The following STXBP5L variants were observed in gnomAD, a reference collection of about 807,000 sequenced individuals.
The protein encoded by STXBP5L is syntaxin-binding protein 5-like.
Under a neutral mutation model 144.5 loss-of-function variants are expected in STXBP5L, and 65 were observed. The ratio of observed to expected loss-of-function variants is 0.45; its 90% CI spans 0.37 to 0.55. STXBP5L has a LOEUF of 0.55. Among genes scored for constraint, STXBP5L ranks in the 20% least tolerant of loss-of-function variants. The pLI, the probability that STXBP5L is intolerant of heterozygous loss-of-function variation, is 0.00. For synonymous variants in STXBP5L, 505 were observed against 469.6 expected (o/e 1.08, Z -0.97); for missense variants, 1,298 against 1,405.5 (o/e 0.92, Z 1.22).
chr3:121,348,282 C>A (rs1462883611), intron 20 of STXBP5L, among the ~76,000 whole-genome samples: 1 of 152,216 alleles, frequency 6.6e-6, no homozygotes, highest in South Asian at 2.1e-4. Flanking sequence ...TATGTTGAAC[C>A]AGCCTTGCGT....
At chr3:121,251,251 T>C (rs1246920810) in intron 15 of STXBP5L, among the ~76,000 whole-genome samples, 1 of 152,190 alleles carries the variant, frequency 6.6e-6, no homozygotes, top group East Asian at 1.9e-4. Flanking sequence ...CTCTGCTCAA[T>C]GTTGAAGGAA....
intron 3 of STXBP5L, among the ~76,000 whole-genome samples, chr3:121,010,236 T>C (rs913925891): frequency 2.0e-5 from 3 of 151,790 alleles, no homozygotes; most frequent in Non-Finnish European, 4.4e-5. Context: ...TAAATGACTA[T>C]ATATATCTTT....
chr3:121,076,316 C>T, intron 5 of STXBP5L, among the ~76,000 whole-genome samples: 1 of 152,174 alleles, frequency 6.6e-6, no homozygotes, highest in East Asian at 1.9e-4. Context: ...AGCCTCCTGT[C>T]TAAGCCTTGT....
In STXBP5L at chr3:121,422,870, A is replaced by G. The variant is rs1442385916; in HGVS notation, c.*3773A>G. 1 of 152,176 alleles carries G rather than the reference A, an allele frequency of 6.6e-6. No homozygotes were observed. The highest frequency in any genetic ancestry group is 1.5e-5 in the Non-Finnish European group (1 of 68,034). The allele number at this position is 152,176 out of a possible 1,614,324, so 9.4% of individuals were successfully genotyped here. A position where few individuals can be genotyped will look rare whatever the true frequency, so the allele number is the denominator to read the frequency against. On this transcript the variant is annotated 3_prime_UTR_variant, in exon 27 of 27. Coordinates refer to ENST00000471454, the MANE Select transcript of STXBP5L (RefSeq NM_001308330.2). The stretch of plus-strand genomic sequence containing the variant: ...TGACCCATGTACCAGTTTTAAAGGC[A>G]TCATCTATACTTTATCTACATGAAG...
chr3:121,123,151 A>G (rs1358058547), intron 7 of STXBP5L, among the ~76,000 whole-genome samples: 1 of 151,608 alleles, frequency 6.6e-6, no homozygotes, highest in Admixed American at 6.6e-5. Context: ...ACAATTTGTC[A>G]ACATCATACC....
intron 6 of STXBP5L, among the ~76,000 whole-genome samples, chr3:121,119,120 T>C (rs2044349670): frequency 6.6e-6 from 1 of 151,500 alleles, no homozygotes; most frequent in South Asian, 2.1e-4. Context: ...TGTTTGGCCA[T>C]CAGAGCATTT....
intron 9 of STXBP5L, among the ~76,000 whole-genome samples, chr3:121,191,547 G>A (rs561095340): frequency 7.6e-4 from 116 of 152,210 alleles, no homozygotes; most frequent in South Asian, 1.5e-3. Context: ...AGAGGGAGAG[G>A]GAGAGGGAGA....
At chr3:121,087,441 C>A (rs1489330119) in intron 5 of STXBP5L, among the ~76,000 whole-genome samples, 1 of 151,986 alleles carries the variant, frequency 6.6e-6, no homozygotes, top group Non-Finnish European at 1.5e-5. Flanking sequence ...CCCTCTCTAT[C>A]TCATAATTTC....
chr3:120,982,502 C>T (rs1941880853), intron 3 of STXBP5L, among the ~76,000 whole-genome samples: 1 of 152,174 alleles, frequency 6.6e-6, no homozygotes, highest in Non-Finnish European at 1.5e-5. Flanking sequence ...ATACCCCTGT[C>T]CCAGGGCTCA....
chr3:120,989,874 A>G (rs1359300088), intron 3 of STXBP5L, among the ~76,000 whole-genome samples: 3 of 152,218 alleles, frequency 2.0e-5, no homozygotes, highest in Admixed American at 6.5e-5. Flanking sequence ...AAAAACTTGA[A>G]GCATTCTCTT....
At chr3:121,187,227 A>G (rs1408547623) in intron 9 of STXBP5L, among the ~76,000 whole-genome samples, 1 of 152,204 alleles carries the variant, frequency 6.6e-6, no homozygotes. Context: ...AGCCATAAAA[A>G]ATGATGAGTT....
chr3:120,914,701 T>C (rs1709017633), intron 2 of STXBP5L, among the ~76,000 whole-genome samples: 1 of 152,022 alleles, frequency 6.6e-6, no homozygotes. Flanking sequence ...TTTTCATCCA[T>C]AAAAAGAATA....
chr3:121,360,122 T>G (rs1345919286), intron 20 of STXBP5L, among the ~76,000 whole-genome samples: 1 of 148,902 alleles, frequency 6.7e-6, no homozygotes, highest in Non-Finnish European at 1.5e-5. Context: ...TTATATCCTC[T>G]TGCTGAATTG....
In STXBP5L at chr3:121,299,251, G is replaced by T. The variant is rs147619801; in HGVS notation, c.2111-19224G>T. On this transcript the variant is annotated intron_variant, in intron 19 of 26. Coordinates refer to ENST00000471454, the MANE Select transcript of STXBP5L (RefSeq NM_001308330.2). The stretch of plus-strand genomic sequence containing the variant: ...AGCAACATGAAAAGCAAATGAGGAA[G>T]ATATTTTATAGAAATAATTAAGCTG... 4.6e-3 allele frequency among the ~76,000 whole-genome samples: 696 copies of T among 152,270 alleles called. 8 individuals carry two copies. Among genetic ancestry groups the T allele is most frequent in the African/African-American group, 0.016 (648 of 41,564 alleles).
chr3:121,051,225 C>T (rs1407174880), intron 5 of STXBP5L, among the ~76,000 whole-genome samples: 2 of 152,150 alleles, frequency 1.3e-5, no homozygotes, highest in East Asian at 1.9e-4. Flanking sequence ...CAGCTCTGCA[C>T]CAAGCAGACC....
intron 10 of STXBP5L, 143 bp from the exon 11 acceptor site, chr3:121,222,860 G>A: frequency 1.3e-6 from 1 of 741,962 alleles, no homozygotes; most frequent in South Asian, 2.4e-5. Flanking sequence ...GTTATTGAAT[G>A]AGAAATTTTG....
intron 10 of STXBP5L, among the ~76,000 whole-genome samples, chr3:121,221,575 A>G (rs965699413): frequency 6.6e-6 from 1 of 151,552 alleles, no homozygotes; most frequent in African/African-American, 2.4e-5. Context: ...CCCCCACACT[A>G]TTTCATAAAT....
chr3:121,422,265 T>C lies in STXBP5L; in HGVS notation c.*3168T>C, dbSNP rs2047367135. On this transcript the variant is annotated 3_prime_UTR_variant, in exon 27 of 27. Coordinates refer to ENST00000471454, the MANE Select transcript of STXBP5L (RefSeq NM_001308330.2). Reference sequence around the variant, plus strand: ...ATACTCCTAATAACTTGGACAATGATACAGAAAGTGACTCTGAGCCTTAGT... The same window carrying C: ...ATACTCCTAATAACTTGGACAATGACACAGAAAGTGACTCTGAGCCTTAGT... 1.3e-5 allele frequency: 2 copies of C among 152,176 alleles called. No individual in the cohort carries two copies. The highest frequency in any genetic ancestry group is 2.1e-4 in the South Asian group (1 of 4,828). 9.4% of individuals were successfully genotyped at this position (152,176 alleles called of 1,614,324 possible). A position where few individuals can be genotyped will look rare whatever the true frequency, so the allele number is the denominator to read the frequency against.
chr3:121,148,474 T>G (rs2045802078), intron 7 of STXBP5L, among the ~76,000 whole-genome samples: 1 of 152,170 alleles, frequency 6.6e-6, no homozygotes, highest in African/African-American at 2.4e-5. Context: ...AAGAAAGGAA[T>G]TTCATTAATA....
Sources: gnomAD v4.1 joint callset for allele counts (sites outside exome capture counted in the v4.1 genomes callset) on GRCh38, gnomAD v4.1.1 for gene constraint, MANE v1.5 for transcripts, NCBI Gene and HGNC (gene_info 2026-07-23, HGNC 2026-07-21) for gene names.